The following PPARGC1A variants were observed in gnomAD, a reference collection of about 807,000 sequenced individuals.
The protein encoded by PPARGC1A is peroxisome proliferator-activated receptor gamma coactivator 1-alpha.
PPARGC1A carries 25 observed loss-of-function variants against 88.7 expected under a neutral mutation model. The observed-to-expected ratio is 0.28, with a 90% confidence interval of 0.21 to 0.39. The LOEUF (loss-of-function observed/expected upper bound fraction) is 0.39, where lower values mean the gene tolerates loss of function less well. PPARGC1A is among the 10% of genes least tolerant of loss of function. The pLI is 1.00. For synonymous variants in PPARGC1A, 363 were observed against 355.6 expected (o/e 1.02, Z -0.24); for missense variants, 880 against 968.7 (o/e 0.91, Z 1.22).
At chr4:24,308,604 G>A in the PPARGC1A span, among the ~76,000 whole-genome samples, 1 of 152,146 alleles carries the variant, frequency 6.6e-6, no homozygotes, top group Non-Finnish European at 1.5e-5. Flanking sequence ...ACAGCTTCCA[G>A]GCTGCATTCA....
the PPARGC1A span, among the ~76,000 whole-genome samples, chr4:24,225,026 A>G: frequency 6.6e-5 from 10 of 152,172 alleles, no homozygotes; most frequent in Non-Finnish European, 1.3e-4. Flanking sequence ...AGCAGAGATG[A>G]GCACAGAGAG....
chr4:23,915,895 G>A, the PPARGC1A span, among the ~76,000 whole-genome samples: 1 of 152,166 alleles, frequency 6.6e-6, no homozygotes, highest in Admixed American at 6.5e-5. Context: ...AGCTCCTAAG[G>A]CCACCACCCC....
the PPARGC1A span, among the ~76,000 whole-genome samples, chr4:24,428,904 C>A: frequency 6.6e-6 from 1 of 152,172 alleles, no homozygotes; most frequent in South Asian, 2.1e-4. Flanking sequence ...ATTATGAGGA[C>A]AGAGTACAGT....
At chr4:23,845,110 T>C (rs776021626) in intron 2 of PPARGC1A, among the ~76,000 whole-genome samples, 1 of 151,684 alleles carries the variant, frequency 6.6e-6, no homozygotes, top group Admixed American at 6.6e-5. Flanking sequence ...ACAAGAACAT[T>C]GATCAATCAG....
the PPARGC1A span, among the ~76,000 whole-genome samples, chr4:24,057,617 G>A: frequency 2.3e-4 from 35 of 152,228 alleles, no homozygotes; most frequent in African/African-American, 8.2e-4. Context: ...AGCCTTGGTA[G>A]TGGTGGAGGA....
the PPARGC1A span, among the ~76,000 whole-genome samples, chr4:24,466,481 C>T: frequency 6.6e-6 from 1 of 152,162 alleles, no homozygotes; most frequent in Non-Finnish European, 1.5e-5. Context: ...AGGCAAGTCA[C>T]TTAATTCTCT....
chr4:24,185,533 G>A, the PPARGC1A span, among the ~76,000 whole-genome samples: 1 of 152,170 alleles, frequency 6.6e-6, no homozygotes, highest in Non-Finnish European at 1.5e-5. Context: ...TGGTGGTGTT[G>A]TATTTCTCCC....
At chr4:24,232,927 G>T in the PPARGC1A span, among the ~76,000 whole-genome samples, 1 of 152,186 alleles carries the variant, frequency 6.6e-6, no homozygotes. Context: ...AGCAAATCGT[G>T]AAGGAAAGGG....
chr4:24,178,621 C>T, the PPARGC1A span, among the ~76,000 whole-genome samples: 194 of 152,292 alleles, frequency 1.3e-3, no homozygotes, highest in Non-Finnish European at 2.4e-3. Flanking sequence ...TTTCTACCTG[C>T]TAATGCACAA....
chr4:23,970,460 G>GC, the PPARGC1A span, among the ~76,000 whole-genome samples: 1 of 152,146 alleles, frequency 6.6e-6, no homozygotes, highest in East Asian at 1.9e-4. Flanking sequence ...TCCCAGCCTG[G>GC]CCCCTCCAGT....
At chr4:23,967,801 T>G in the PPARGC1A span, among the ~76,000 whole-genome samples, 2 of 152,166 alleles carry the variant, frequency 1.3e-5, no homozygotes, top group Non-Finnish European at 2.9e-5. Flanking sequence ...GAGCTCAGAA[T>G]CCTGCTGAAG....
the PPARGC1A span, among the ~76,000 whole-genome samples, chr4:24,376,282 T>C: frequency 1.3e-5 from 2 of 152,174 alleles, no homozygotes; most frequent in Non-Finnish European, 2.9e-5. Context: ...ATCAGGTATT[T>C]ACCGCAAGTC....
At chr4:23,908,997 T>C (rs1375443342), upstream of PPARGC1A, among the ~76,000 whole-genome samples, 1 of 152,178 alleles carries the variant, frequency 6.6e-6, no homozygotes, top group Non-Finnish European at 1.5e-5. Context: ...CTGCTTACAG[T>C]CTGAGTAAAT....
chr4:24,397,352 G>C, the PPARGC1A span, among the ~76,000 whole-genome samples: 7 of 152,038 alleles, frequency 4.6e-5, no homozygotes, highest in Admixed American at 1.3e-4. Flanking sequence ...ATGAGGAGGA[G>C]GATTTATAAT....
the PPARGC1A span, among the ~76,000 whole-genome samples, chr4:24,045,385 G>A: frequency 6.6e-5 from 10 of 152,098 alleles, no homozygotes; most frequent in African/African-American, 2.4e-4. Context: ...GTCCCTAGGG[G>A]CGCTATTACA....
At chr4:23,934,944 C>G in the PPARGC1A span, among the ~76,000 whole-genome samples, 1 of 152,200 alleles carries the variant, frequency 6.6e-6, no homozygotes, top group African/African-American at 2.4e-5. Context: ...GGAATTGTCT[C>G]TGCATGTGAG....
the PPARGC1A span, among the ~76,000 whole-genome samples, chr4:24,041,008 T>C: frequency 6.6e-6 from 1 of 152,218 alleles, no homozygotes; most frequent in Admixed American, 6.5e-5. Context: ...CAAGTTATTA[T>C]AGGAGAACTT....
the PPARGC1A span, among the ~76,000 whole-genome samples, chr4:24,145,940 G>A: frequency 6.6e-6 from 1 of 152,170 alleles, no homozygotes; most frequent in Non-Finnish European, 1.5e-5. Flanking sequence ...TCAATGTTGG[G>A]AGAGGCAGGT....
At chr4:24,274,423 G>A in the PPARGC1A span, among the ~76,000 whole-genome samples, 1 of 152,118 alleles carries the variant, frequency 6.6e-6, no homozygotes, top group South Asian at 2.1e-4. Context: ...ATGATTCTAG[G>A]CTCTGTGGGC....
Sources: allele counts gnomAD v4.1 joint callset (sites outside exome capture counted in the v4.1 genomes callset), GRCh38; gene constraint gnomAD v4.1.1; transcripts MANE v1.5; gene names NCBI Gene and HGNC (gene_info 2026-07-23, HGNC 2026-07-21).